WIF1: variants seen among roughly 807,000 people sequenced by gnomAD.
WIF1 encodes Wnt inhibitory factor 1.
In WIF1, 35 loss-of-function variants were observed where a neutral mutation model predicts 53.5. The observed-to-expected ratio is 0.65, with a 90% CI of 0.50 to 0.87. The LOEUF (loss-of-function observed/expected upper bound fraction) is 0.87. Ranked by LOEUF, WIF1 falls within the 40% of genes least tolerant of loss-of-function variation. The pLI is 0.00. For missense variants in WIF1, 467 were observed against 476.8 expected (o/e 0.98, Z 0.19); for synonymous variants, 171 against 170.4 (o/e 1.00, Z -0.03).
chr12:65,113,493 G>A (rs1327003980), intron 2 of WIF1, among the ~76,000 whole-genome samples: 1 of 152,022 alleles, frequency 6.6e-6, no homozygotes, highest in Non-Finnish European at 1.5e-5. Flanking sequence ...TTATACCACC[G>A]TGAAAGGAAG....
chr12:65,096,950 A>G (rs751840895), intron 2 of WIF1, among the ~76,000 whole-genome samples: 1 of 151,784 alleles, frequency 6.6e-6, no homozygotes. Flanking sequence ...TGATAGGTGC[A>G]GCAAACCACC....
At chr12:65,109,148 C>T (rs1005889094) in intron 2 of WIF1, among the ~76,000 whole-genome samples, 1 of 152,136 alleles carries the variant, frequency 6.6e-6, no homozygotes. Context: ...ATGTATTTCC[C>T]TATGGGTTAT....
chr12:65,076,037 T>C (rs1167812808), intron 3 of WIF1, among the ~76,000 whole-genome samples: 1 of 152,166 alleles, frequency 6.6e-6, no homozygotes, highest in Non-Finnish European at 1.5e-5. Flanking sequence ...TTCTTTCTTT[T>C]ATCTTTTTTG....
chr12:65,059,650 T>A (rs1239223722), intron 7 of WIF1, among the ~76,000 whole-genome samples: 2 of 151,752 alleles, frequency 1.3e-5, no homozygotes, highest in Non-Finnish European at 2.9e-5. Context: ...GTATCATTGT[T>A]TTTTACTTTT....
chr12:65,064,558 G>C (rs1306786427), intron 6 of WIF1, among the ~76,000 whole-genome samples: 2 of 151,872 alleles, frequency 1.3e-5, no homozygotes, highest in African/African-American at 4.8e-5. Context: ...CCCTCCTGGA[G>C]AATTAAAGCA....
At chr12:65,106,378 TTTTTA>T (rs149571817) in intron 2 of WIF1, among the ~76,000 whole-genome samples, 20,231 of 150,968 alleles carry the variant, frequency 0.13, 1,724 homozygotes, top group African/African-American at 0.24. Flanking sequence ...TATATATTTT[TTTTTA>T]TTTTTTTTGT....
chr12:65,054,556 C>A (rs1882495152), intron 9 of WIF1, among the ~76,000 whole-genome samples: 1 of 152,282 alleles, frequency 6.6e-6, no homozygotes, highest in East Asian at 1.9e-4. Context: ...AAAAATGCAA[C>A]TCCATTATAA....
At chr12:65,062,142 A>G (rs1882622589) in intron 7 of WIF1, among the ~76,000 whole-genome samples, 1 of 152,174 alleles carries the variant, frequency 6.6e-6, no homozygotes, top group Non-Finnish European at 1.5e-5. Context: ...CAGAGCTCTG[A>G]TCTACATTTC....
chr12:65,066,874 G>T, intron 5 of WIF1, 138 bp from the exon 6 acceptor site: 2 of 457,086 alleles, frequency 4.4e-6, no homozygotes, highest in East Asian at 7.3e-5. Context: ...AGAGATACAA[G>T]TTTGCTATAT....
At chr12:65,066,598 T>G (rs774044964) in intron 6 of WIF1, 43 bp downstream of exon 6, 3 of 1,530,702 alleles carry the variant, frequency 2.0e-6, no homozygotes, top group Non-Finnish European at 1.8e-6. Flanking sequence ...AATCAAACAT[T>G]TTAAAAGTAA....
chr12:65,068,956 A>G lies in WIF1; in HGVS notation c.398-52T>C. On this transcript the variant is annotated intron_variant, in intron 3 of 9. Transcript: ENST00000286574. ...AGAAATAGTTAATCTAGTTGATTCT[A>G]GTTTTACAGAAATCTTGGGAACCAA... 2.5e-6 allele frequency: 4 copies of G among 1,579,158 alleles called. No individual in the cohort carries two copies. In the South Asian group the frequency reaches 4.7e-5, roughly 18 times the overall value.
intron 3 of WIF1, 139 bp from the exon 4 acceptor site, chr12:65,069,043 T>A: frequency 1.1e-6 from 1 of 894,884 alleles, no homozygotes; most frequent in African/African-American, 1.7e-5. Context: ...TCCACTGGAG[T>A]AGGAACTGTA....
intron 2 of WIF1, among the ~76,000 whole-genome samples, chr12:65,080,138 A>G (rs1348165497): frequency 6.6e-6 from 1 of 152,148 alleles, no homozygotes; most frequent in East Asian, 1.9e-4. Context: ...TCCATACTTG[A>G]AGTTAATTGA....
At chr12:65,081,412 C>G (rs1411889168) in intron 2 of WIF1, among the ~76,000 whole-genome samples, 2 of 152,092 alleles carry the variant, frequency 1.3e-5, no homozygotes, top group Non-Finnish European at 2.9e-5. Flanking sequence ...ACAGAGCCTT[C>G]AGGTATGACC....
At chr12:65,061,999 C>T (rs143052010) in intron 7 of WIF1, among the ~76,000 whole-genome samples, 289 of 152,178 alleles carry the variant, frequency 1.9e-3, no homozygotes, top group African/African-American at 6.3e-3. Flanking sequence ...TTTTTTATTG[C>T]TATGCGCCTC....
chr12:65,115,545 G>T (rs1440597707), intron 2 of WIF1, among the ~76,000 whole-genome samples: 1 of 152,136 alleles, frequency 6.6e-6, no homozygotes, highest in Non-Finnish European at 1.5e-5. Flanking sequence ...CATGGCCCCT[G>T]CCTGTCTCAA....
At chr12:65,076,370 A>T (rs185672006) in intron 3 of WIF1, among the ~76,000 whole-genome samples, 1 of 152,146 alleles carries the variant, frequency 6.6e-6, no homozygotes, top group African/African-American at 2.4e-5. Flanking sequence ...TAAAGTAGTT[A>T]ATGTGATTAA....
intron 2 of WIF1, among the ~76,000 whole-genome samples, chr12:65,117,858 TAGTC>T (rs1883536643): frequency 6.6e-6 from 1 of 152,182 alleles, no homozygotes; most frequent in Non-Finnish European, 1.5e-5. Context: ...AGGCGGAGCT[TAGTC>T]AGTAAGGAGA....
rs1435483862 is a variant in WIF1 at position 65,062,498 on chromosome 12, C to T, written c.809G>A (p.Gly270Glu). The T allele has an allele frequency of 6.2e-7, 1 of 1,606,744 alleles. No homozygotes were observed. Among genetic ancestry groups the T allele is most frequent in the Non-Finnish European group, 8.5e-7 (1 of 1,175,858 alleles). Residue 270 changes from glycine (G) to glutamate (E), a missense_variant, in exon 7 of 10, where the codon GGA (glycine) becomes GAA (glutamate). Gly to Glu is a moderately conservative substitution (Grantham distance 98). Transcript: ENST00000286574. ...ATACTCACTGATTTCACACTGCTCT[C>T]CCTCTAGTCCTGGAGGGCAAATACA... ...GKCICPPGLEGEQCEISKCPQ... is the reference protein window; with the variant it reads ...GKCICPPGLEEEQCEISKCPQ...
Sources: allele counts gnomAD v4.1 joint callset (sites outside exome capture counted in the v4.1 genomes callset), GRCh38; gene constraint gnomAD v4.1.1; transcripts MANE v1.5; gene names NCBI Gene and HGNC (gene_info 2026-07-23, HGNC 2026-07-21).